The following SLC6A13 variants were observed in gnomAD, a reference collection of about 807,000 sequenced individuals.
SLC6A13 encodes the protein solute carrier family 6 member 13.
In SLC6A13, 69 loss-of-function variants were observed where a neutral mutation model predicts 72.9. The observed-to-expected ratio is 0.95, with a 90% CI of 0.78 to 1.16. SLC6A13 has a LOEUF of 1.16. Among genes scored for constraint, SLC6A13 ranks in the 50% most tolerant of loss-of-function variants. SLC6A13 has a pLI of 0.00. For synonymous variants in SLC6A13, 303 were observed against 303.0 expected (o/e 1.00, Z 0.00); for missense variants, 735 against 760.5 (o/e 0.97, Z 0.39).
Position 235,004 on chromosome 12 carries a change from C to T in SLC6A13, c.831+86G>A, listed in dbSNP as rs537869314. The T allele has an allele frequency of 1.7e-4, 260 of 1,511,388 alleles. 1 individual carries two copies. Among genetic ancestry groups the T allele is most frequent in the South Asian group, 9.5e-4 (82 of 86,366 alleles). The allele number at this position is 1,511,388 out of a possible 1,614,324, so 93.6% of individuals were successfully genotyped here. A position where few individuals can be genotyped will look rare whatever the true frequency, so the allele number is the denominator to read the frequency against. On this transcript the variant is annotated intron_variant, in intron 7 of 14. Coordinates refer to ENST00000343164, the MANE Select transcript of SLC6A13 (RefSeq NM_016615.5). The stretch of plus-strand genomic sequence containing the variant: ...GGACACCCTAGGGTAGTGCTAGGTG[C>T]GGGGGTTCCCCGTCAGAGTGCAGGG...
intron 1 of SLC6A13, among the ~76,000 whole-genome samples, chr12:260,399 C>T (rs1031712376): frequency 6.6e-6 from 1 of 152,186 alleles, no homozygotes; most frequent in Non-Finnish European, 1.5e-5. Context: ...TACAGTCAGC[C>T]TCGTCGGGAT....
chr12:238,343 C>T, intron 4 of SLC6A13: 1 of 1,329,322 alleles, frequency 7.5e-7, no homozygotes, highest in Non-Finnish European at 9.8e-7. Context: ...AAAGTCACCA[C>T]CTTCGAGGAA....
chr12:224,501 G>C lies in SLC6A13; in HGVS notation c.1073C>G (p.Ala358Gly). ...SEVAESGPGL[A>G]FIAYPRAVVM... ...CACAGCCCGCGGGTAAGCGATGAAA[G>C]CCAGGCCAGGGCCTACGACAAGGAG... The change falls in exon 10 of 15, where the codon GCT (alanine) becomes GGT (glycine). Residue 358 changes from alanine to glycine, a missense_variant. Physicochemically the swap from Ala to Gly is moderately conservative, Grantham distance 60. Coordinates refer to ENST00000343164, the MANE Select transcript of SLC6A13 (RefSeq NM_016615.5). 2 of 1,614,022 alleles carry C rather than the reference G, an allele frequency of 1.2e-6. No individual in the cohort carries two copies. Among genetic ancestry groups the C allele is most frequent in the Non-Finnish European group, 8.5e-7 (1 of 1,179,950 alleles).
intron 7 of SLC6A13, among the ~76,000 whole-genome samples, chr12:234,580 C>G (rs11062071): frequency 6.6e-6 from 1 of 151,962 alleles, no homozygotes; most frequent in Non-Finnish European, 1.5e-5. Flanking sequence ...TGCAGTGGCG[C>G]GATCTCAGCT....
intron 9 of SLC6A13, 74 bp downstream of exon 9, chr12:226,316 A>G: frequency 1.9e-6 from 3 of 1,589,734 alleles, no homozygotes; most frequent in Non-Finnish European, 1.7e-6. Context: ...GACACAATGG[A>G]AACGCCTCTA....
intron 11 of SLC6A13, 34 bp downstream of exon 11, chr12:223,958 C>CT (rs1431591207): frequency 1.2e-6 from 2 of 1,611,166 alleles, no homozygotes; most frequent in South Asian, 2.2e-5. Context: ...TTGGCTCCTC[C>CT]TCCCCAGCCT....
rs1055598540 is a variant in SLC6A13 at position 239,079 on chromosome 12, C to T, written c.479-1069G>A. 5.3e-5 allele frequency among the ~76,000 whole-genome samples: 8 copies of T among 150,982 alleles called. 1 individual carries two copies. The highest frequency in any genetic ancestry group is 2.0e-4 in the African/African-American group (8 of 40,812). ...CCTCAGCCACCTGCTCTACCACGTC[C>T]ACCCTGTTCCCTGCACACGTGGGGT... On this transcript the variant is annotated intron_variant, in intron 4 of 14. Coordinates refer to ENST00000343164, the MANE Select transcript of SLC6A13 (RefSeq NM_016615.5).
At chr12:223,945 C>A in intron 11 of SLC6A13, 47 bp downstream of exon 11, 1 of 1,608,394 alleles carries the variant, frequency 6.2e-7, no homozygotes, top group Non-Finnish European at 8.5e-7. Flanking sequence ...TAGCAGCTGT[C>A]ACTTGGCTCC....
At chr12:232,354 T>C (rs1032249042) in intron 7 of SLC6A13, among the ~76,000 whole-genome samples, 1 of 152,184 alleles carries the variant, frequency 6.6e-6, no homozygotes, top group African/African-American at 2.4e-5. Context: ...TTCTCTTGTG[T>C]GGGGAATCCA....
chr12:238,005 A>G lies in SLC6A13; in HGVS notation c.484T>C (p.Cys162Arg). 1.2e-6 allele frequency: 2 copies of G among 1,613,510 alleles called. No individual in the cohort carries two copies. The highest frequency in any genetic ancestry group is 1.7e-6 in the Non-Finnish European group (2 of 1,179,436). ...GCYHEWNTEH[C>R]MEFQKTNGSL... Reference sequence around the variant, plus strand: ...CCGTTGGTCTTCTGGAACTCCATACAGTGTTCTACCCATGGGTCACGAGGA... The same window carrying G: ...CCGTTGGTCTTCTGGAACTCCATACGGTGTTCTACCCATGGGTCACGAGGA... The change falls in exon 5 of 15, where the codon TGT becomes CGT. Residue 162 changes from cysteine (C) to arginine (R), a missense_variant. Transcript: ENST00000343164.
chr12:227,939 G>A (rs143215297), intron 7 of SLC6A13, among the ~76,000 whole-genome samples: 39 of 152,286 alleles, frequency 2.6e-4, no homozygotes, highest in African/African-American at 8.2e-4. Context: ...TGGTGGAAGC[G>A]TGTAGGAGGG....
intron 7 of SLC6A13, among the ~76,000 whole-genome samples, chr12:234,349 C>A (rs1173248329): frequency 2.0e-5 from 3 of 152,202 alleles, no homozygotes; most frequent in East Asian, 3.9e-4. Flanking sequence ...ATTGCCCACA[C>A]CTTTCCAGGA....
At chr12:231,812 A>G (rs1225774794) in intron 7 of SLC6A13, among the ~76,000 whole-genome samples, 5 of 152,210 alleles carry the variant, frequency 3.3e-5, no homozygotes, top group African/African-American at 9.6e-5. Context: ...TATACCAAAC[A>G]TGGCACCTGG....
chr12:241,164 C>T (rs865880686), intron 4 of SLC6A13, among the ~76,000 whole-genome samples: 1 of 152,092 alleles, frequency 6.6e-6, no homozygotes, highest in African/African-American at 2.4e-5. Flanking sequence ...ATTAGCCGGG[C>T]GTGTTGGCAG....
At chr12:248,780 C>A (rs912494243) in intron 2 of SLC6A13, among the ~76,000 whole-genome samples, 2 of 152,248 alleles carry the variant, frequency 1.3e-5, no homozygotes, top group Middle Eastern at 3.4e-3. Context: ...TCCACCAGCT[C>A]AACTTAGTTG....
At chr12:223,551 A>G (rs1351107109) in intron 11 of SLC6A13, among the ~76,000 whole-genome samples, 1 of 152,070 alleles carries the variant, frequency 6.6e-6, no homozygotes, top group Non-Finnish European at 1.5e-5. Context: ...GGATCAGGAT[A>G]AGGGCTGTCA....
intron 4 of SLC6A13, among the ~76,000 whole-genome samples, chr12:240,245 C>A (rs1234656427): frequency 2.0e-5 from 3 of 152,072 alleles, no homozygotes; most frequent in Admixed American, 6.5e-5. Context: ...TCTCTATTAC[C>A]CAGGCTGGAG....
rs570150326 is a variant in SLC6A13 at position 258,323 on chromosome 12, G to A, written c.202+1528C>T. Among the ~76,000 whole-genome samples the A allele has an allele frequency of 1.5e-3, 227 of 152,234 alleles. 1 individual carries two copies. The Middle Eastern group carries it at 0.024, about 16-fold the overall frequency. ...ACTCCATGGGCCCAGGGCATCTCTC[G>A]TGTTCTCCCCCAGTTCCCACACCTC... is the stretch of plus-strand genomic sequence containing the variant. On this transcript the variant is annotated intron_variant, in intron 2 of 14. Coordinates refer to ENST00000343164, the MANE Select transcript of SLC6A13 (RefSeq NM_016615.5).
intron 2 of SLC6A13, among the ~76,000 whole-genome samples, chr12:244,427 G>A (rs1591850868): frequency 6.6e-6 from 1 of 152,198 alleles, no homozygotes; most frequent in Non-Finnish European, 1.5e-5. Context: ...AGTGGCTCAC[G>A]CCTGTAATCC....
Sources: allele counts gnomAD v4.1 joint callset (sites outside exome capture counted in the v4.1 genomes callset), GRCh38; gene constraint gnomAD v4.1.1; transcripts MANE v1.5; gene names NCBI Gene and HGNC (gene_info 2026-07-23, HGNC 2026-07-21).